The following MAML3 variants were observed in gnomAD, a reference collection of about 807,000 sequenced individuals.
MAML3 encodes the protein mastermind like transcriptional coactivator 3.
Under a neutral mutation model 101.9 loss-of-function variants are expected in MAML3, and 27 were observed. That is an observed-to-expected ratio of 0.27 (90% CI 0.20 to 0.37). The LOEUF is 0.37. Among genes scored for constraint, MAML3 ranks in the 10% least tolerant of loss-of-function variants. The probability of loss-of-function intolerance (pLI) is 1.00; values close to 1 mark genes in which losing one functional copy is unlikely to be tolerated. For missense variants in MAML3, 1,316 were observed against 1,444.9 expected, an observed-to-expected ratio of 0.91 and a Z score of 1.45; for synonymous variants, 501 against 555.9, an observed-to-expected ratio of 0.90 and a Z score of 1.39.
chr4:139,888,520 A>C, intron 2 of MAML3: 5 of 518,898 alleles, frequency 9.6e-6, no homozygotes, highest in South Asian at 7.0e-5. Flanking sequence ...ATATTAAAGG[A>C]GCTTTGGCTG....
intron 1 of MAML3, among the ~76,000 whole-genome samples, chr4:140,089,104 C>A (rs1560889823): frequency 1.3e-5 from 2 of 152,158 alleles, no homozygotes. Flanking sequence ...AAATAAATGA[C>A]AGGCCTTCAG....
intron 1 of MAML3, among the ~76,000 whole-genome samples, chr4:139,919,670 C>T (rs1291617069): frequency 6.6e-6 from 1 of 152,216 alleles, no homozygotes; most frequent in Non-Finnish European, 1.5e-5. Context: ...GAATGTGGAA[C>T]ATCCCACAAC....
At chr4:139,767,297 C>T (rs6818154) in intron 2 of MAML3, among the ~76,000 whole-genome samples, 135,217 of 152,226 alleles carry the variant, frequency 0.89, 60,926 homozygotes, top group Non-Finnish European at 0.96. Context: ...TTGATGTCAA[C>T]CTCAAATTGT....
At chr4:140,097,693 G>A (rs1044087410) in intron 1 of MAML3, among the ~76,000 whole-genome samples, 7 of 152,148 alleles carry the variant, frequency 4.6e-5, no homozygotes, top group African/African-American at 1.7e-4. Context: ...AGAATGATGG[G>A]AAAGAAGCTA....
intron 2 of MAML3, among the ~76,000 whole-genome samples, chr4:139,774,337 G>T (rs1322206107): frequency 1.3e-5 from 2 of 152,236 alleles, no homozygotes; most frequent in African/African-American, 4.8e-5. Flanking sequence ...TGAGGGCAGG[G>T]ATGACTTATG....
intron 2 of MAML3, among the ~76,000 whole-genome samples, chr4:139,794,632 G>T (rs1282052921): frequency 6.6e-6 from 1 of 152,186 alleles, no homozygotes; most frequent in East Asian, 1.9e-4. Flanking sequence ...GCTTTTACTT[G>T]GTCTGAAGAG....
intron 1 of MAML3, among the ~76,000 whole-genome samples, chr4:140,077,874 T>G (rs1727796812): frequency 6.6e-6 from 1 of 151,866 alleles, no homozygotes. Flanking sequence ...AAAAATTAGC[T>G]GGGCATAGTG....
At position 140,153,328 on chromosome 4, in the gene MAML3, C is replaced by T; in HGVS notation, c.-1G>A. 1 of 1,583,376 alleles carries T rather than the reference C, an allele frequency of 6.3e-7. No individual in the cohort carries two copies. The highest frequency in any genetic ancestry group is 8.6e-7 in the Non-Finnish European group (1 of 1,164,542). On this transcript the variant is annotated 5_prime_UTR_variant, in exon 1 of 5. Coordinates refer to ENST00000509479, the MANE Select transcript of MAML3 (RefSeq NM_018717.5). ...CAGCGGGGGCTGCGAAATCCCCCAT[C>T]CTGCTCCCCGGGCACACTATTTTGG...
intron 2 of MAML3, among the ~76,000 whole-genome samples, chr4:139,849,869 T>C (rs908724316): frequency 1.3e-5 from 2 of 152,240 alleles, no homozygotes; most frequent in Non-Finnish European, 2.9e-5. Flanking sequence ...ACATTTTAAA[T>C]AATATTTGGT....
At chr4:140,014,951 G>T (rs1444801864) in intron 1 of MAML3, among the ~76,000 whole-genome samples, 1 of 152,078 alleles carries the variant, frequency 6.6e-6, no homozygotes, top group Non-Finnish European at 1.5e-5. Flanking sequence ...TTTTACAGAA[G>T]AAAGTAAAGT....
At chr4:140,134,378 G>A in intron 1 of MAML3, 1 of 456,698 alleles carries the variant, frequency 2.2e-6, no homozygotes, top group Non-Finnish European at 4.4e-6. Context: ...TTCTCCAGAT[G>A]CTCTGAATCA....
intron 1 of MAML3, among the ~76,000 whole-genome samples, chr4:139,963,800 A>G (rs1374965290): frequency 2.0e-5 from 3 of 152,196 alleles, no homozygotes; most frequent in Admixed American, 2.0e-4. Context: ...ATTAGCAACT[A>G]GAACTAGTAA....
intron 2 of MAML3, among the ~76,000 whole-genome samples, chr4:139,802,672 G>A (rs1730629735): frequency 6.6e-6 from 1 of 152,230 alleles, no homozygotes; most frequent in Non-Finnish European, 1.5e-5. Flanking sequence ...TGGTGAGGCT[G>A]CCTTGCAGCC....
intron 1 of MAML3, among the ~76,000 whole-genome samples, chr4:139,988,212 A>G (rs972568849): frequency 1.5e-4 from 23 of 150,876 alleles, no homozygotes; most frequent in African/African-American, 5.4e-4. Context: ...CTGTAATCCC[A>G]GCTACTCGGG....
At chr4:139,951,682 C>T (rs1179851098) in intron 1 of MAML3, among the ~76,000 whole-genome samples, 1 of 152,028 alleles carries the variant, frequency 6.6e-6, no homozygotes, top group Non-Finnish European at 1.5e-5. Context: ...GAACTGCTCT[C>T]TCCAACACTG....
At chr4:139,921,668 G>T (rs1221196112) in intron 1 of MAML3, among the ~76,000 whole-genome samples, 2 of 151,928 alleles carry the variant, frequency 1.3e-5, no homozygotes, top group Non-Finnish European at 2.9e-5. Context: ...AATCTAAAGA[G>T]AATCAGCTCC....
chr4:139,879,225 A>G (rs1008968553), intron 2 of MAML3, among the ~76,000 whole-genome samples: 4 of 152,128 alleles, frequency 2.6e-5, no homozygotes, highest in African/African-American at 9.7e-5. Flanking sequence ...CTATTTCTCC[A>G]TTTGAAAATG....
At chr4:139,829,737 G>A (rs1197692513) in intron 2 of MAML3, among the ~76,000 whole-genome samples, 1 of 152,176 alleles carries the variant, frequency 6.6e-6, no homozygotes, top group African/African-American at 2.4e-5. Context: ...TGTGGTTTAT[G>A]TTATGTTATG....
intron 2 of MAML3, among the ~76,000 whole-genome samples, chr4:139,739,510 T>C (rs765120169): frequency 6.6e-5 from 10 of 152,178 alleles, no homozygotes; most frequent in Non-Finnish European, 1.2e-4. Context: ...CAATTCTACA[T>C]TGGTTAAAAG....
Sources: gnomAD v4.1 joint callset for allele counts (sites outside exome capture counted in the v4.1 genomes callset) on GRCh38, gnomAD v4.1.1 for gene constraint, MANE v1.5 for transcripts, NCBI Gene and HGNC (gene_info 2026-07-23, HGNC 2026-07-21) for gene names.